HORMAD2: variants seen among roughly 807,000 people sequenced by gnomAD.
HORMAD2 encodes HORMA domain-containing protein 2.
A neutral mutation model predicts 38.8 loss-of-function variants in HORMAD2; 45 were observed. The ratio of observed to expected loss-of-function variants is 1.16; its 90% CI spans 0.91 to 1.49. The LOEUF is 1.49. HORMAD2 is among the 40% of genes most tolerant of loss of function. The pLI, the probability that HORMAD2 is intolerant of heterozygous loss-of-function variation, is 0.00. For synonymous variants in HORMAD2, 126 were observed against 122.8 expected (o/e 1.03, Z -0.17); for missense variants, 338 against 367.0 (o/e 0.92, Z 0.65).
In HORMAD2 at chr22:30,088,057, ATACATATACACACACGTACACACGTG is replaced by A. The variant is rs1433065792; in HGVS notation, c.-37-5810_-37-5785del. 8.8e-4 allele frequency among the ~76,000 whole-genome samples: 119 copies of A among 134,836 alleles called. 2 individuals carry two copies. Among genetic ancestry groups the A allele is most frequent in the East Asian group, 4.7e-3 (24 of 5,158 alleles). 88.5% of individuals were successfully genotyped at this position (134,836 alleles called of 152,430 possible). ...TATGTGTATACACACGTACACACGT[ATACATATACACACACGTACACACGTG>A]TACATATACACACACGTACACACGT... On this transcript the variant is annotated intron_variant, in intron 1 of 10. Transcript: ENST00000336726.
At chr22:30,171,435 T>C (rs1926103093) in intron 10 of HORMAD2, among the ~76,000 whole-genome samples, 1 of 152,196 alleles carries the variant, frequency 6.6e-6, no homozygotes, top group African/African-American at 2.4e-5. Context: ...TTGACCCATC[T>C]ATCTCTCTCT....
chr22:30,088,228 TATATACACAC>T (rs1569079743), intron 1 of HORMAD2, among the ~76,000 whole-genome samples: 1 of 150,092 alleles, frequency 6.7e-6, no homozygotes, highest in East Asian at 1.9e-4. Context: ...CATATATACA[TATATACACAC>T]ATATATACAT....
intron 5 of HORMAD2, among the ~76,000 whole-genome samples, chr22:30,110,957 ACCATCCTGGCCAACAT>A (rs1383019463): frequency 1.3e-5 from 2 of 151,094 alleles, no homozygotes; most frequent in African/African-American, 4.9e-5. Flanking sequence ...GAAGATCGAG[ACCATCCTGGCCAACAT>A]GGTGAAACCC....
the HORMAD2 span, among the ~76,000 whole-genome samples, chr22:30,194,803 T>A: frequency 6.6e-6 from 1 of 152,190 alleles, no homozygotes; most frequent in Non-Finnish European, 1.5e-5. Flanking sequence ...CTAGGAACAT[T>A]GCTTTGGCCA....
chr22:30,151,024 C>T (rs550103750), intron 10 of HORMAD2, among the ~76,000 whole-genome samples: 3 of 152,288 alleles, frequency 2.0e-5, no homozygotes, highest in African/African-American at 7.2e-5. Context: ...ATTTTAGCTC[C>T]TCTACCTACC....
Position 30,099,001 on chromosome 22 carries a change from TAAAC to T in HORMAD2, c.193+9_193+12del, listed in dbSNP as rs1920927154. On this transcript the variant is annotated intron_variant, in intron 3 of 10. Coordinates refer to ENST00000336726, the MANE Select transcript of HORMAD2 (RefSeq NM_152510.4). ...GAGAACGCCATTTGGATGGTAAAGT[TAAAC>T]TAACTAGTCTCTTTGGCTGTTGTAG... The T allele has an allele frequency of 6.2e-7, 1 of 1,604,310 alleles. No individual in the cohort carries two copies. The highest frequency in any genetic ancestry group is 1.3e-5 in the African/African-American group (1 of 74,422).
intron 3 of HORMAD2, among the ~76,000 whole-genome samples, chr22:30,100,916 T>C (rs892768587): frequency 1.3e-5 from 2 of 152,082 alleles, no homozygotes; most frequent in Non-Finnish European, 2.9e-5. Flanking sequence ...CGGAAATCAC[T>C]AAAAAGTCAG....
At chr22:30,121,000 TAGA>T (rs1234134959) in intron 8 of HORMAD2, among the ~76,000 whole-genome samples, 2 of 152,194 alleles carry the variant, frequency 1.3e-5, no homozygotes, top group African/African-American at 4.8e-5. Flanking sequence ...ATGGATATAA[TAGA>T]AGAATTCTAA....
chr22:30,204,422 G>A, the HORMAD2 span, among the ~76,000 whole-genome samples: 1 of 152,206 alleles, frequency 6.6e-6, no homozygotes, highest in African/African-American at 2.4e-5. Flanking sequence ...GATGACAGAG[G>A]TGAAGTGGCC....
chr22:30,206,540 T>C, the HORMAD2 span, among the ~76,000 whole-genome samples: 2 of 152,208 alleles, frequency 1.3e-5, no homozygotes, highest in Non-Finnish European at 2.9e-5. Flanking sequence ...TAGGGTGCAG[T>C]GGTGCGACCA....
intron 10 of HORMAD2, among the ~76,000 whole-genome samples, chr22:30,162,294 A>G (rs1388422482): frequency 6.8e-6 from 1 of 148,030 alleles, no homozygotes; most frequent in African/African-American, 2.5e-5. Flanking sequence ...AGCCTAGGTG[A>G]CAGAGTGAGA....
intron 1 of HORMAD2, among the ~76,000 whole-genome samples, chr22:30,081,993 C>T (rs961375146): frequency 1.2e-4 from 19 of 152,074 alleles, no homozygotes; most frequent in Non-Finnish European, 2.6e-4. Context: ...CTCTGTTCTT[C>T]CCCCCACCCT....
At chr22:30,196,602 C>T in the HORMAD2 span, among the ~76,000 whole-genome samples, 1 of 152,098 alleles carries the variant, frequency 6.6e-6, no homozygotes, top group South Asian at 2.1e-4. Flanking sequence ...TAAATTAAAC[C>T]AAGAAACAGA....
At chr22:30,183,409 GC>G in the HORMAD2 span, among the ~76,000 whole-genome samples, 1 of 152,148 alleles carries the variant, frequency 6.6e-6, no homozygotes, top group African/African-American at 2.4e-5. Flanking sequence ...GAGTTTTTCA[GC>G]TTTCGTGTTA....
chr22:30,110,134 T>C (rs938675980), intron 5 of HORMAD2, among the ~76,000 whole-genome samples: 1 of 152,162 alleles, frequency 6.6e-6, no homozygotes, highest in Non-Finnish European at 1.5e-5. Flanking sequence ...ATTTACATGG[T>C]ATTAAGTATT....
At chr22:30,165,015 T>C (rs1404827294) in intron 10 of HORMAD2, among the ~76,000 whole-genome samples, 4 of 152,220 alleles carry the variant, frequency 2.6e-5, no homozygotes, top group Admixed American at 2.0e-4. Context: ...GAAATCCTTG[T>C]TAATTCCAAT....
chr22:30,124,282 CACACACACACAT>C (rs1013733403), intron 10 of HORMAD2, among the ~76,000 whole-genome samples: 1 of 136,358 alleles, frequency 7.3e-6, no homozygotes, highest in Non-Finnish European at 1.7e-5. Flanking sequence ...CACACACACA[CACACACACACAT>C]ACATACATGT....
At chr22:30,110,862 G>T (rs1921580871) in intron 5 of HORMAD2, among the ~76,000 whole-genome samples, 1 of 151,644 alleles carries the variant, frequency 6.6e-6, no homozygotes, top group African/African-American at 2.4e-5. Flanking sequence ...AAGGTGGATT[G>T]AAAATACAGG....
chr22:30,197,084 A>G, the HORMAD2 span, among the ~76,000 whole-genome samples: 1 of 152,096 alleles, frequency 6.6e-6, no homozygotes, highest in African/African-American at 2.4e-5. Flanking sequence ...TATTAGGGTA[A>G]GGCTTTTCTT....
Sources: allele counts gnomAD v4.1 joint callset (sites outside exome capture counted in the v4.1 genomes callset), GRCh38; gene constraint gnomAD v4.1.1; transcripts MANE v1.5; gene names NCBI Gene and HGNC (gene_info 2026-07-23, HGNC 2026-07-21).